Variants in THAP3 observed in about 807,000 individuals in gnomAD.
THAP3 encodes THAP domain containing 3, also known as THAP domain-containing protein 3.
THAP3 carries 12 observed loss-of-function variants against 17.7 expected under a neutral mutation model. That is an observed-to-expected ratio of 0.68 (90% confidence interval 0.43 to 1.10). The LOEUF (loss-of-function observed/expected upper bound fraction) is 1.10. THAP3 is among the 50% of genes least tolerant of loss of function. The pLI, the probability that THAP3 is intolerant of heterozygous loss-of-function variation, is 0.00. For missense variants in THAP3, 289 were observed against 318.0 expected (o/e 0.91, Z 0.69); for synonymous variants, 133 against 126.9 (o/e 1.05, Z -0.32).
intron 3 of THAP3, among the ~76,000 whole-genome samples, chr1:6,629,397 A>C (rs1289972015): frequency 6.6e-6 from 1 of 152,156 alleles, no homozygotes; most frequent in Non-Finnish European, 1.5e-5. Flanking sequence ...CACGTAGCAA[A>C]CACGCCCAGA....
downstream of THAP3, among the ~76,000 whole-genome samples, chr1:6,633,751 A>G (rs1641694341): frequency 6.6e-6 from 1 of 152,142 alleles, no homozygotes; most frequent in South Asian, 2.1e-4. Context: ...TCTACTAAAA[A>G]AGACACAAAT....
chr1:6,632,748 C>T (rs972812751), intron 5 of THAP3, 48 bp from the exon 6 acceptor site: 8 of 1,607,058 alleles, frequency 5.0e-6, no homozygotes, highest in Non-Finnish European at 6.8e-6. Flanking sequence ...CCATGGCCCG[C>T]CTTCCTGCTG....
chr1:6,631,252 G>A (rs12405970), intron 4 of THAP3, among the ~76,000 whole-genome samples: 48,177 of 151,232 alleles, frequency 0.32, 7,887 homozygotes, highest in Middle Eastern at 0.39. Flanking sequence ...CTTGGATTCA[G>A]GGGATTCTCC....
At chr1:6,628,929 CGGT>C (rs1641536133) in intron 3 of THAP3, among the ~76,000 whole-genome samples, 1 of 152,158 alleles carries the variant, frequency 6.6e-6, no homozygotes, top group Non-Finnish European at 1.5e-5. Flanking sequence ...TGGCTGGGTG[CGGT>C]GGCTCACGTC....
downstream of THAP3, chr1:6,634,099 G>A (rs1178109058): frequency 3.7e-6 from 6 of 1,612,446 alleles, no homozygotes; most frequent in East Asian, 2.2e-5. Flanking sequence ...AGGATGGGGA[G>A]GAGGCCTCTG....
intron 2 of THAP3, among the ~76,000 whole-genome samples, chr1:6,626,463 T>C (rs1641472664): frequency 6.6e-6 from 1 of 152,200 alleles, no homozygotes; most frequent in Non-Finnish European, 1.5e-5. Context: ...TAATATTCCA[T>C]TGAATGCAAG....
At chr1:6,634,025 G>GTTGT (rs1641702751), downstream of THAP3, 3 of 1,613,436 alleles carry the variant, frequency 1.9e-6, no homozygotes, top group Middle Eastern at 1.7e-4. Context: ...CTCAGGCAAT[G>GTTGT]TTGTTTAATG....
At chr1:6,628,747 C>T in intron 3 of THAP3, 56 bp downstream of exon 3, 3 of 1,526,180 alleles carry the variant, frequency 2.0e-6, no homozygotes, top group Non-Finnish European at 2.7e-6. Context: ...TGTTTACCAG[C>T]AGCTGGGGGC....
intron 3 of THAP3, among the ~76,000 whole-genome samples, chr1:6,629,185 G>T (rs2148717773): frequency 6.6e-6 from 1 of 152,334 alleles, no homozygotes; most frequent in Middle Eastern, 3.4e-3. Flanking sequence ...GTGTGGGCCT[G>T]GCTCAGGAGA....
chr1:6,633,733 A>C (rs1570253427), downstream of THAP3, among the ~76,000 whole-genome samples: 1 of 152,236 alleles, frequency 6.6e-6, no homozygotes, highest in East Asian at 1.9e-4. Context: ...ACATGGTGAA[A>C]TCCCATGTCT....
downstream of THAP3, chr1:6,633,608 TAAG>T (rs550156970): frequency 5.5e-4 from 590 of 1,081,886 alleles, 7 homozygotes; most frequent in African/African-American, 9.2e-3. Context: ...TGATTCCTTC[TAAG>T]AAGACTGACT....
downstream of THAP3, chr1:6,634,462 C>G (rs1490722719): frequency 2.3e-6 from 3 of 1,307,522 alleles, no homozygotes; most frequent in Non-Finnish European, 3.0e-6. Context: ...GGAGGCCTGA[C>G]TTCAGCAACA....
At chr1:6,630,120 G>A (rs1463570799) in intron 3 of THAP3, among the ~76,000 whole-genome samples, 168 bp from the exon 4 acceptor site, 2 of 152,244 alleles carry the variant, frequency 1.3e-5, no homozygotes, top group East Asian at 3.8e-4. Flanking sequence ...AGCGCACCAA[G>A]CGGGCAGTGT....
At chr1:6,625,866 T>A (rs1175402422) in intron 2 of THAP3, among the ~76,000 whole-genome samples, 2 of 152,218 alleles carry the variant, frequency 1.3e-5, no homozygotes, top group African/African-American at 4.8e-5. Context: ...AAGGGGGGCT[T>A]GTGCTCATCG....
At chr1:6,628,131 A>C in intron 2 of THAP3, 1 of 214,670 alleles carries the variant, frequency 4.7e-6, no homozygotes, top group Non-Finnish European at 9.5e-6. Context: ...CACCGTCCAC[A>C]TCTGTGTGGC....
rs963334233 is a variant in THAP3 at position 6,633,210 on chromosome 1, G to A, written c.*133G>A. 2.0e-5 allele frequency: 29 copies of A among 1,453,472 alleles called. No homozygotes were observed. Among genetic ancestry groups the A allele is most frequent in the East Asian group, 1.2e-4 (5 of 40,324 alleles). 90.0% of individuals were successfully genotyped at this position (1,453,472 alleles called of 1,614,324 possible). ...CATGAGGCCTGCTTGGCCGGGGATC[G>A]AGACAGTAGCCAAGCTCCCCGGCGA... On this transcript the variant is annotated 3_prime_UTR_variant, in exon 6 of 6. Transcript: ENST00000054650.
chr1:6,628,377 G>A (rs1211662770), intron 2 of THAP3, 122 bp from the exon 3 acceptor site: 37 of 756,372 alleles, frequency 4.9e-5, no homozygotes, highest in African/African-American at 3.5e-4. Context: ...TTAATAAACC[G>A]AGAGGACTGA....
At chr1:6,635,239 G>A (rs559461050), downstream of THAP3, 11 of 174,476 alleles carry the variant, frequency 6.3e-5, no homozygotes, top group South Asian at 1.1e-3. Flanking sequence ...CGGGAGGCCT[G>A]CCTGCTTTTC....
downstream of THAP3, chr1:6,634,349 T>TA (rs1641712522): frequency 8.9e-7 from 1 of 1,117,854 alleles, no homozygotes; most frequent in South Asian, 1.6e-5. Flanking sequence ...GAAACCTTTT[T>TA]AAAAAATGGA....
Sources: gnomAD v4.1 joint callset for allele counts (sites outside exome capture counted in the v4.1 genomes callset) on GRCh38, gnomAD v4.1.1 for gene constraint, MANE v1.5 for transcripts, NCBI Gene and HGNC (gene_info 2026-07-23, HGNC 2026-07-21) for gene names.